The following TACR3 variants were observed in gnomAD, a reference collection of about 807,000 sequenced individuals.
TACR3 encodes the protein tachykinin receptor 3, also known as neuromedin-K receptor.
Under a neutral mutation model 35.0 loss-of-function variants are expected in TACR3, and 34 were observed. The ratio of observed to expected loss-of-function variants is 0.97; its 90% confidence interval spans 0.74 to 1.30. The LOEUF (loss-of-function observed/expected upper bound fraction) is 1.30. Among genes scored for constraint, TACR3 ranks in the 50% most tolerant of loss-of-function variants. The pLI, the probability that TACR3 is intolerant of heterozygous loss-of-function variation, is 0.00. For missense variants in TACR3, 558 were observed against 591.7 expected, an observed-to-expected ratio of 0.94 and a Z score of 0.59; for synonymous variants, 233 against 221.1, an observed-to-expected ratio of 1.05 and a Z score of -0.48.
At chr4:103,646,340 G>A (rs931457095) in intron 3 of TACR3, among the ~76,000 whole-genome samples, 8 of 152,100 alleles carry the variant, frequency 5.3e-5, no homozygotes, top group Admixed American at 1.3e-4. Context: ...TCCACAGTAG[G>A]AATTTTTAAT....
chr4:103,619,530 C>T (rs1724732071), intron 3 of TACR3, among the ~76,000 whole-genome samples: 1 of 152,112 alleles, frequency 6.6e-6, no homozygotes, highest in Non-Finnish European at 1.5e-5. Flanking sequence ...TGCCTGACTG[C>T]TCTGGCTGAG....
At chr4:103,592,367 C>T (rs1200491332) in intron 3 of TACR3, among the ~76,000 whole-genome samples, 3 of 152,136 alleles carry the variant, frequency 2.0e-5, no homozygotes, top group Admixed American at 6.6e-5. Context: ...CTTTGGTAAG[C>T]ATAAGCCATT....
At chr4:103,641,556 A>G (rs1455540000) in intron 3 of TACR3, among the ~76,000 whole-genome samples, 3 of 152,096 alleles carry the variant, frequency 2.0e-5, no homozygotes, top group African/African-American at 7.2e-5. Context: ...ATTGCGTAAA[A>G]CAGTATGAAG....
Position 103,656,190 on chromosome 4 carries a change from G to A in TACR3, c.888+4C>T. ...AATGCTAGGTAAACAACATGGACCAGTACCTTTCTTTTGGCCTTTAGCTGC... is the reference window on the plus strand; with the variant it reads ...AATGCTAGGTAAACAACATGGACCAATACCTTTCTTTTGGCCTTTAGCTGC... On this transcript the variant is annotated splice_donor_region_variant and intron_variant, in intron 3 of 4. Coordinates refer to ENST00000304883, the MANE Select transcript of TACR3 (RefSeq NM_001059.3). 1.2e-6 allele frequency: 2 copies of A among 1,612,780 alleles called. No homozygotes were observed. The highest frequency in any genetic ancestry group is 1.7e-6 in the Non-Finnish European group (2 of 1,179,090).
intron 1 of TACR3, among the ~76,000 whole-genome samples, chr4:103,691,284 G>C (rs907790174): frequency 2.0e-5 from 3 of 152,136 alleles, no homozygotes; most frequent in African/African-American, 7.2e-5. Flanking sequence ...ACAAACTCTT[G>C]ATACACGGAT....
rs886058970 is a variant in TACR3, at chr4:103,589,480, C to T, written c.*202G>A. 5.3e-6 allele frequency: 3 copies of T among 560,984 alleles called. No individual in the cohort carries two copies. Among genetic ancestry groups the T allele is most frequent in the Non-Finnish European group, 9.4e-6 (3 of 320,610 alleles). The allele number at this position is 560,984 out of a possible 1,614,324, so 34.8% of individuals were successfully genotyped here. ...GTTTTCAAAGAATAAATTTAAAGCC[C>T]ATTTTATTTTGGGTGGAGGCTAACA... On this transcript the variant is annotated 3_prime_UTR_variant, in exon 5 of 5. Coordinates refer to ENST00000304883, the MANE Select transcript of TACR3 (RefSeq NM_001059.3).
intron 1 of TACR3, among the ~76,000 whole-genome samples, chr4:103,709,436 C>A (rs2110229529): frequency 6.6e-6 from 1 of 152,244 alleles, no homozygotes; most frequent in East Asian, 1.9e-4. Flanking sequence ...AAATAAAATC[C>A]TTTACAGACA....
chr4:103,633,708 A>T (rs1261704706), intron 3 of TACR3, among the ~76,000 whole-genome samples: 1 of 152,022 alleles, frequency 6.6e-6, no homozygotes, highest in African/African-American at 2.4e-5. Flanking sequence ...ATAGTCTCTA[A>T]CCTTATCCAG....
intron 2 of TACR3, among the ~76,000 whole-genome samples, chr4:103,657,187 AG>A (rs1725749037): frequency 6.6e-6 from 1 of 151,764 alleles, no homozygotes; most frequent in Admixed American, 6.6e-5. Context: ...GTAATTAAAA[AG>A]TTTGTTAGAA....
chr4:103,683,660 T>A (rs1195454400), intron 1 of TACR3, among the ~76,000 whole-genome samples: 1 of 152,050 alleles, frequency 6.6e-6, no homozygotes, highest in Non-Finnish European at 1.5e-5. Context: ...AAATGAGTTC[T>A]ATATTTACTA....
At position 103,719,198 on chromosome 4, in the gene TACR3, A is replaced by C. The variant is rs1723154315; in HGVS notation, c.478T>G (p.Phe160Val). ...EWYFGANYCR[F>V]QNFFPITAVF... is the part of the protein sequence containing the mutation. ...GCTGTGATAGGAAAGAAGTTCTGGA[A>C]GCGGCAGTAGTTGGCGCCAAAGTAC... The change falls in exon 1 of 5, where the codon TTC becomes GTC. Residue 160 changes from phenylalanine (F) to valine (V), a missense_variant. Coordinates refer to ENST00000304883, the MANE Select transcript of TACR3 (RefSeq NM_001059.3). 1 of 1,614,070 alleles carries C rather than the reference A, an allele frequency of 6.2e-7. No individual in the cohort carries two copies. Among genetic ancestry groups the C allele is most frequent in the Admixed American group, 1.7e-5 (1 of 60,002 alleles).
In TACR3 at chr4:103,616,379, A is replaced by G. The variant is rs369453110; in HGVS notation, c.889-24696T>C. Among the ~76,000 whole-genome samples the G allele has an allele frequency of 1.8e-4, 28 of 152,228 alleles. No homozygotes were observed. The East Asian group carries it at 3.7e-3, about 20-fold the overall frequency. On this transcript the variant is annotated intron_variant, in intron 3 of 4. Coordinates refer to ENST00000304883, the MANE Select transcript of TACR3 (RefSeq NM_001059.3). ...ATAACATATGGAGTATATAGTATATATAGTATTGTACAATGTAAAGAGTAG... is the reference window on the plus strand; with the variant it reads ...ATAACATATGGAGTATATAGTATATGTAGTATTGTACAATGTAAAGAGTAG...
At chr4:103,635,565 GA>G (rs1421213432) in intron 3 of TACR3, among the ~76,000 whole-genome samples, 1 of 151,950 alleles carries the variant, frequency 6.6e-6, no homozygotes, top group African/African-American at 2.4e-5. Context: ...TGGTGTGACG[GA>G]AAACTTTGGC....
At chr4:103,675,822 G>A (rs1329634026) in intron 1 of TACR3, among the ~76,000 whole-genome samples, 1 of 151,944 alleles carries the variant, frequency 6.6e-6, no homozygotes, top group East Asian at 1.9e-4. Flanking sequence ...GGACCCTATT[G>A]GTGCAATCCA....
At chr4:103,710,974 AG>A (rs1722939946) in intron 1 of TACR3, among the ~76,000 whole-genome samples, 1 of 152,204 alleles carries the variant, frequency 6.6e-6, no homozygotes, top group African/African-American at 2.4e-5. Context: ...TACCAATAAC[AG>A]GCTCTGAAAT....
chr4:103,708,023 C>G (rs946474930), intron 1 of TACR3, among the ~76,000 whole-genome samples: 3 of 152,178 alleles, frequency 2.0e-5, no homozygotes, highest in Admixed American at 6.5e-5. Flanking sequence ...CTGGGTGGAG[C>G]CCACTGCAGC....
chr4:103,591,691 GAA>G lies in TACR3; in HGVS notation c.889-10_889-9del. The G allele has an allele frequency of 6.2e-7, 1 of 1,606,926 alleles. No individual in the cohort carries two copies. The highest frequency in any genetic ancestry group is 1.1e-5 in the South Asian group (1 of 90,348). On this transcript the variant is annotated splice_polypyrimidine_tract_variant and intron_variant, in intron 3 of 4. Transcript: ENST00000304883. ...AATCATCATTTTGACAACCTATAAAGAAAAAAAGTCATTTTTGACAAATATAA... is the reference window on the plus strand; with the variant it reads ...AATCATCATTTTGACAACCTATAAAGAAAAAGTCATTTTTGACAAATATAA...
chr4:103,650,294 G>A (rs1275892465), intron 3 of TACR3, among the ~76,000 whole-genome samples: 2 of 151,578 alleles, frequency 1.3e-5, no homozygotes, highest in African/African-American at 2.4e-5. Context: ...CACACATAAA[G>A]CAAACACAGC....
At chr4:103,689,878 G>T (rs956635335) in intron 1 of TACR3, among the ~76,000 whole-genome samples, 1 of 152,062 alleles carries the variant, frequency 6.6e-6, no homozygotes, top group African/African-American at 2.4e-5. Flanking sequence ...GCAAAGATCT[G>T]CACCTAGGCA....
Sources: gnomAD v4.1 joint callset for allele counts (sites outside exome capture counted in the v4.1 genomes callset) on GRCh38, gnomAD v4.1.1 for gene constraint, MANE v1.5 for transcripts, NCBI Gene and HGNC (gene_info 2026-07-23, HGNC 2026-07-21) for gene names.